LRP2: variants seen among roughly 807,000 people sequenced by gnomAD.
The protein encoded by LRP2 is LDL receptor related protein 2.
Under a neutral mutation model 531.0 loss-of-function variants are expected in LRP2, and 172 were observed. The observed-to-expected ratio is 0.32, with a 90% confidence interval of 0.29 to 0.37. LRP2 has a LOEUF of 0.37. Among genes scored for constraint, LRP2 ranks in the 10% least tolerant of loss-of-function variants. LRP2 has a pLI of 1.00. For synonymous variants in LRP2, 1,992 were observed against 2,027.6 expected (o/e 0.98, Z 0.47); for missense variants, 5,167 against 5,868.3 (o/e 0.88, Z 3.90).
chr2:169,231,867 C>T (rs536852138), intron 30 of LRP2, 25 bp from the exon 31 acceptor site: 3 of 1,612,842 alleles, frequency 1.9e-6, no homozygotes, highest in African/African-American at 2.7e-5. Flanking sequence ...GAAGAAAGCA[C>T]CAGTAAGTGG....
At chr2:169,355,033 T>C (rs1398486677) in intron 1 of LRP2, among the ~76,000 whole-genome samples, 1 of 152,164 alleles carries the variant, frequency 6.6e-6, no homozygotes, top group African/African-American at 2.4e-5. Flanking sequence ...AAAAATGAAA[T>C]ACTGCACCAG....
intron 28 of LRP2, among the ~76,000 whole-genome samples, chr2:169,236,401 C>T (rs558393536): frequency 3.0e-4 from 46 of 152,182 alleles, no homozygotes; most frequent in African/African-American, 1.1e-3. Context: ...TCCATCTGTC[C>T]TTGTTTGTCT....
intron 51 of LRP2, 79 bp from the exon 52 acceptor site, chr2:169,181,697 A>AAATG: frequency 8.1e-6 from 10 of 1,238,558 alleles, no homozygotes; most frequent in Non-Finnish European, 1.2e-5. Flanking sequence ...TTCTCCATTT[A>AAATG]GAGAAATGGA....
intron 47 of LRP2, among the ~76,000 whole-genome samples, chr2:169,192,315 G>A (rs573631589): frequency 6.6e-6 from 1 of 151,942 alleles, no homozygotes; most frequent in Non-Finnish European, 1.5e-5. Context: ...TTTTCCCTTA[G>A]GGCTTCAGAA....
chr2:169,219,618 T>C (rs1276094126), intron 34 of LRP2, among the ~76,000 whole-genome samples: 1 of 152,134 alleles, frequency 6.6e-6, no homozygotes. Context: ...TTCTGACTTA[T>C]AAGTGGGAGC....
chr2:169,232,688 C>G lies in LRP2; in HGVS notation c.5098+723G>C, dbSNP rs1689453855. Among the ~76,000 whole-genome samples, 3 of 152,236 alleles carry G rather than the reference C, an allele frequency of 2.0e-5. No homozygotes were observed. In the South Asian group the frequency reaches 6.2e-4, roughly 32 times the overall value. On this transcript the variant is annotated intron_variant, in intron 30 of 78. Coordinates refer to ENST00000649046, the MANE Select transcript of LRP2 (RefSeq NM_004525.3). Reference sequence around the variant, plus strand: ...ATCCTAAATAGCACGCGAAGCAACTCATGCAGAGATCTGGAAGAGAGATGT... The same window carrying G: ...ATCCTAAATAGCACGCGAAGCAACTGATGCAGAGATCTGGAAGAGAGATGT...
intron 59 of LRP2, 22 bp downstream of exon 59, chr2:169,170,529 A>G (rs115478315): frequency 0.039 from 61,461 of 1,580,612 alleles, 1,399 homozygotes; most frequent in Non-Finnish European, 0.046. Context: ...ATTCTATGGT[A>G]AGCTTCTCAA....
Position 169,362,489 on chromosome 2 carries a change from C to T in LRP2, c.-90G>A. 8.6e-7 allele frequency: 1 copy of T among 1,168,436 alleles called. No homozygotes were observed. Among genetic ancestry groups the T allele is most frequent in the Non-Finnish European group, 1.2e-6 (1 of 810,662 alleles). The allele number at this position is 1,168,436 out of a possible 1,614,324, so 72.4% of individuals were successfully genotyped here. A position where few individuals can be genotyped will look rare whatever the true frequency, so the allele number is the denominator to read the frequency against. On this transcript the variant is annotated 5_prime_UTR_variant, in exon 1 of 79. Coordinates refer to ENST00000649046, the MANE Select transcript of LRP2 (RefSeq NM_004525.3). ...CCGGCAGCGCCTCTGCTAGCGAACG[C>T]TCCTTTAGGTCTGCACCTCCGCCAG...
chr2:169,197,088 T>A (rs1480780513), intron 45 of LRP2, 58 bp from the exon 46 acceptor site: 2 of 1,596,782 alleles, frequency 1.3e-6, no homozygotes, highest in African/African-American at 2.7e-5. Context: ...TTCCCATCAG[T>A]CTTAACAATC....
rs1402176625 is a variant in LRP2 at position 169,175,279 on chromosome 2, C to G, written c.10682G>C (p.Ser3561Thr). 2 of 1,614,226 alleles carry G rather than the reference C, an allele frequency of 1.2e-6. No individual in the cohort carries two copies. Among genetic ancestry groups the G allele is most frequent in the East Asian group, 4.5e-5 (2 of 44,882 alleles). ...CTGCGGGCTGGTGCAGTTGCCGTCA[C>G]TGCACTGGAACTGTCCCAGTCGGCA... is the stretch of plus-strand genomic sequence containing the variant. ...RFCRLGQFQCSDGNCTSPQTL... is the reference protein window; with the variant it reads ...RFCRLGQFQCTDGNCTSPQTL... Residue 3561 changes from serine to threonine, a missense_variant, in exon 55 of 79, where the codon AGT (serine) becomes ACT (threonine). Around this residue, in one of 6 missense-constraint regions of LRP2, gnomAD observed 311 missense variants for 309.4 expected, o/e 1.01. Coordinates refer to ENST00000649046, the MANE Select transcript of LRP2 (RefSeq NM_004525.3).
chr2:169,299,076 AAAGAAAGAAGG>A (rs1684205287), intron 4 of LRP2, among the ~76,000 whole-genome samples: 1 of 68,250 alleles, frequency 1.5e-5, no homozygotes, highest in Non-Finnish European at 3.8e-5. Flanking sequence ...AGAAGGAAAG[AAAGAAAGAAGG>A]AAAGAAAGAA....
At chr2:169,268,326 A>T (rs1574201701) in intron 16 of LRP2, among the ~76,000 whole-genome samples, 2 of 152,178 alleles carry the variant, frequency 1.3e-5, no homozygotes, top group East Asian at 3.8e-4. Context: ...TTAGACCAAT[A>T]TCCCTGATGA....
intron 50 of LRP2, among the ~76,000 whole-genome samples, chr2:169,184,593 T>C (rs1687560281): frequency 6.6e-6 from 1 of 152,200 alleles, no homozygotes; most frequent in African/African-American, 2.4e-5. Flanking sequence ...ATAGAGATGT[T>C]AAGAAGTGTG....
chr2:169,232,941 C>T (rs955748983), intron 30 of LRP2, among the ~76,000 whole-genome samples: 7 of 152,174 alleles, frequency 4.6e-5, no homozygotes, highest in Admixed American at 6.5e-5. Context: ...AAGAACAGTA[C>T]GGATGCCAAG....
Position 169,209,628 on chromosome 2 carries a change from C to T in LRP2, c.6294G>A (p.Leu2098=), listed in dbSNP as rs745712228. ...CAGAGGACACATCCACATCCACATG[C>T]AGTGCGTTTCGTCCTGGAAGTTAAG... The part of the protein sequence containing the change: ...VPVAGQGRNA[L]HVDVDVSSGF... Residue 2098 remains leucine, a synonymous_variant, in exon 38 of 79, where the codon CTG becomes CTA. Coordinates refer to ENST00000649046, the MANE Select transcript of LRP2 (RefSeq NM_004525.3). The T allele has an allele frequency of 5.0e-6, 8 of 1,613,966 alleles. No homozygotes were observed. The African/African-American group carries it at 5.3e-5, about 11-fold the overall frequency.
Position 169,206,167 on chromosome 2 carries a change from A to T in LRP2, c.7412T>A (p.Ile2471Asn), listed in dbSNP as rs1321175822. ...IASGIGTADG[I>N]AFDWITRRIY... ...TCTTCTAGTAATCCAGTCAAAGGCA[A>T]TGCCATCAGCAGTCCCTATACCTGG... Residue 2471 changes from isoleucine (I) to asparagine (N), a missense_variant, in exon 40 of 79, where the codon ATT becomes AAT. Ile to Asn is a moderately radical substitution (Grantham distance 149, BLOSUM62 -3). Coordinates refer to ENST00000649046, the MANE Select transcript of LRP2 (RefSeq NM_004525.3). 6.2e-7 allele frequency: 1 copy of T among 1,614,108 alleles called. No homozygotes were observed. Among genetic ancestry groups the T allele is most frequent in the African/African-American group, 1.3e-5 (1 of 74,944 alleles).
chr2:169,147,037 T>C (rs1685940016), intron 68 of LRP2, 78 bp from the exon 69 acceptor site: 1 of 1,119,012 alleles, frequency 8.9e-7, no homozygotes, highest in East Asian at 2.6e-5. Context: ...GGGCATTACC[T>C]ACAGGGAAAC....
At chr2:169,362,260 C>G in intron 1 of LRP2, 61 bp downstream of exon 1, 1 of 1,445,860 alleles carries the variant, frequency 6.9e-7, no homozygotes, top group South Asian at 1.2e-5. Flanking sequence ...CTCCCGCGGA[C>G]CCGACCCTGC....
chr2:169,196,155 C>T (rs1358479734), intron 46 of LRP2, among the ~76,000 whole-genome samples: 2 of 152,138 alleles, frequency 1.3e-5, no homozygotes, highest in African/African-American at 2.4e-5. Context: ...GTCTCTGTTG[C>T]ACCTACAGGA....
Sources: allele counts gnomAD v4.1 joint callset (sites outside exome capture counted in the v4.1 genomes callset), GRCh38; gene constraint gnomAD v4.1.1; regional missense constraint gnomAD v4.1.1; transcripts MANE v1.5; gene names NCBI Gene and HGNC (gene_info 2026-07-23, HGNC 2026-07-21).